CNTNAP2: variants seen among roughly 807,000 people sequenced by gnomAD.
CNTNAP2 encodes contactin-associated protein-like 2.
Under a neutral mutation model 155.2 loss-of-function variants are expected in CNTNAP2, and 98 were observed. That is an observed-to-expected ratio of 0.63 (90% CI 0.54 to 0.75). The LOEUF (loss-of-function observed/expected upper bound fraction) is 0.75. Ranked by LOEUF, CNTNAP2 falls within the 30% of genes least tolerant of loss-of-function variation. CNTNAP2 has a pLI of 0.00. For synonymous variants in CNTNAP2, 651 were observed against 631.2 expected, an observed-to-expected ratio of 1.03 and a Z score of -0.47; for missense variants, 1,727 against 1,688.1, an observed-to-expected ratio of 1.02 and a Z score of -0.40.
intron 1 of CNTNAP2, among the ~76,000 whole-genome samples, chr7:146,274,672 C>A (rs115187400): frequency 6.6e-6 from 1 of 152,152 alleles, no homozygotes; most frequent in South Asian, 2.1e-4. Flanking sequence ...AAGCAGCAAT[C>A]GGTTTTCCAT....
intron 1 of CNTNAP2, among the ~76,000 whole-genome samples, chr7:146,127,392 T>C (rs1199000083): frequency 6.6e-6 from 1 of 152,156 alleles, no homozygotes; most frequent in East Asian, 1.9e-4. Context: ...TCACAAATAA[T>C]GAAAACCACC....
chr7:146,177,970 C>A (rs913665536), intron 1 of CNTNAP2, among the ~76,000 whole-genome samples: 2 of 152,102 alleles, frequency 1.3e-5, no homozygotes, highest in Non-Finnish European at 2.9e-5. Context: ...TATGAGAATG[C>A]CTGTAGGTTG....
intron 1 of CNTNAP2, among the ~76,000 whole-genome samples, chr7:146,587,811 A>C (rs1798717645): frequency 6.6e-6 from 1 of 151,792 alleles, no homozygotes; most frequent in Non-Finnish European, 1.5e-5. Flanking sequence ...TAGCCTCCGG[A>C]TTACAGGTGC....
chr7:146,190,648 T>G (rs12703789), intron 1 of CNTNAP2, among the ~76,000 whole-genome samples: 16,793 of 152,210 alleles, frequency 0.11, 1,229 homozygotes, highest in Non-Finnish European at 0.17. Context: ...ATAAGAAGCA[T>G]TCTCAAAACT....
intron 7 of CNTNAP2, among the ~76,000 whole-genome samples, chr7:147,129,454 C>T (rs897775208): frequency 7.2e-5 from 11 of 151,810 alleles, no homozygotes; most frequent in African/African-American, 2.4e-4. Flanking sequence ...GGAAGGAGAG[C>T]AAAAGTCAAA....
chr7:147,638,109 C>T (rs1322577824), intron 12 of CNTNAP2, among the ~76,000 whole-genome samples: 1 of 152,052 alleles, frequency 6.6e-6, no homozygotes, highest in Non-Finnish European at 1.5e-5. Flanking sequence ...TTTGATATGC[C>T]TCAATCCATT....
At chr7:146,685,406 A>G (rs930609698) in intron 1 of CNTNAP2, among the ~76,000 whole-genome samples, 2 of 152,220 alleles carry the variant, frequency 1.3e-5, no homozygotes, top group Non-Finnish European at 2.9e-5. Flanking sequence ...TTGCATGGAC[A>G]TATATGAACA....
At chr7:146,578,036 A>G (rs2129147228) in intron 1 of CNTNAP2, among the ~76,000 whole-genome samples, 1 of 152,168 alleles carries the variant, frequency 6.6e-6, no homozygotes, top group South Asian at 2.1e-4. Context: ...AATCATTTTA[A>G]TTTTCTATGC....
At chr7:147,241,713 T>G (rs1391641801) in intron 8 of CNTNAP2, among the ~76,000 whole-genome samples, 1 of 152,134 alleles carries the variant, frequency 6.6e-6, no homozygotes, top group African/African-American at 2.4e-5. Context: ...TTTTTGTTGT[T>G]GTTGCTCTCT....
At chr7:147,347,411 G>A (rs1186839940) in intron 9 of CNTNAP2, among the ~76,000 whole-genome samples, 1 of 102,192 alleles carries the variant, frequency 9.8e-6, no homozygotes, top group East Asian at 3.1e-4. Flanking sequence ...TTCCTCTTAT[G>A]TGAAAAGATT....
chr7:146,970,318 A>G (rs1416224629), intron 3 of CNTNAP2, among the ~76,000 whole-genome samples: 1 of 152,014 alleles, frequency 6.6e-6, no homozygotes, highest in Non-Finnish European at 1.5e-5. Flanking sequence ...TCATCTGACA[A>G]AGGGCTACTA....
At position 147,190,562 on chromosome 7, in the gene CNTNAP2, G is replaced by T. The variant is rs564044627; in HGVS notation, c.1348+58053G>T. Reference sequence around the variant, plus strand: ...ACATCATCTGCATATAATTTCCATAGCAGTGAACAGTGAATGTGACATTAG... The same window carrying T: ...ACATCATCTGCATATAATTTCCATATCAGTGAACAGTGAATGTGACATTAG... On this transcript the variant is annotated intron_variant, in intron 8 of 23. Transcript: ENST00000361727. Among the ~76,000 whole-genome samples the T allele has an allele frequency of 7.2e-5, 11 of 152,252 alleles. No homozygotes were observed. In the South Asian group the frequency reaches 1.0e-3, roughly 14 times the overall value.
At chr7:147,591,840 C>A (rs956955950) in intron 12 of CNTNAP2, among the ~76,000 whole-genome samples, 1 of 151,762 alleles carries the variant, frequency 6.6e-6, no homozygotes, top group African/African-American at 2.4e-5. Context: ...CTCATGCTGT[C>A]AGCTACAACA....
chr7:147,450,499 TCCTGA>T (rs1217580086), intron 10 of CNTNAP2, among the ~76,000 whole-genome samples: 1 of 152,198 alleles, frequency 6.6e-6, no homozygotes, highest in Non-Finnish European at 1.5e-5. Flanking sequence ...TCACATGGAC[TCCTGA>T]CCTATAGAAA....
rs542272013 is a variant in CNTNAP2 at position 146,162,008 on chromosome 7, A to G, written c.97+45035A>G. On this transcript the variant is annotated intron_variant, in intron 1 of 23. Coordinates refer to ENST00000361727, the MANE Select transcript of CNTNAP2 (RefSeq NM_014141.6). ...CTTCCTTACACCTTATACAAAAATT[A>G]ATTCAAGATGGATTAAAGACTTAAA... Among the ~76,000 whole-genome samples, 1,517 of 152,320 alleles carry G rather than the reference A, an allele frequency of 1.0e-2. 27 individuals are homozygous for G. Among genetic ancestry groups the G allele is most frequent in the African/African-American group, 0.036 (1,476 of 41,570 alleles).
intron 1 of CNTNAP2, among the ~76,000 whole-genome samples, chr7:146,241,087 A>G (rs527575975): frequency 6.6e-6 from 1 of 152,284 alleles, no homozygotes; most frequent in East Asian, 1.9e-4. Context: ...AGATAGCACC[A>G]AGCGGGTAAT....
At chr7:147,860,589 C>CAAAAAAAAAAAAAAAAAAAAAAAA (rs11342244) in intron 13 of CNTNAP2, among the ~76,000 whole-genome samples, 4 of 124,436 alleles carry the variant, frequency 3.2e-5, no homozygotes, top group African/African-American at 1.2e-4. Context: ...GACTCTGTCT[C>CAAAAAAAAAAAAAAAAAAAAAAAA]AAAAAAAAAA....
At chr7:148,154,979 C>T (rs1433974147) in intron 17 of CNTNAP2, among the ~76,000 whole-genome samples, 1 of 151,888 alleles carries the variant, frequency 6.6e-6, no homozygotes, top group Non-Finnish European at 1.5e-5. Context: ...GGAATTATAA[C>T]CTAGAGAATG....
At chr7:146,735,288 C>T (rs1801592836) in intron 1 of CNTNAP2, among the ~76,000 whole-genome samples, 1 of 152,198 alleles carries the variant, frequency 6.6e-6, no homozygotes, top group Non-Finnish European at 1.5e-5. Context: ...CACGGTGGCT[C>T]ACGCCTGTAA....
Sources: gnomAD v4.1 joint callset for allele counts (sites outside exome capture counted in the v4.1 genomes callset) on GRCh38, gnomAD v4.1.1 for gene constraint, MANE v1.5 for transcripts, NCBI Gene and HGNC (gene_info 2026-07-23, HGNC 2026-07-21) for gene names.